TUBGCP5: variants seen among roughly 807,000 people sequenced by gnomAD.
TUBGCP5 encodes tubulin gamma complex component 5.
A neutral mutation model predicts 134.7 loss-of-function variants in TUBGCP5; 98 were observed. That is an observed-to-expected ratio of 0.73 (90% confidence interval 0.62 to 0.86). The LOEUF (loss-of-function observed/expected upper bound fraction) is 0.86, where lower values mean the gene tolerates loss of function less well. TUBGCP5 is among the 40% of genes least tolerant of loss of function. TUBGCP5 has a pLI of 0.00. For synonymous variants in TUBGCP5, 456 were observed against 431.4 expected, an observed-to-expected ratio of 1.06 and a Z score of -0.71; for missense variants, 1,150 against 1,244.8, an observed-to-expected ratio of 0.92 and a Z score of 1.15.
intron 7 of TUBGCP5, among the ~76,000 whole-genome samples, chr15:23,026,649 C>A (rs1426189673): frequency 6.6e-6 from 1 of 152,052 alleles, no homozygotes; most frequent in African/African-American, 2.4e-5. Flanking sequence ...ATTTTCAACA[C>A]CAGCCAGGTG....
At chr15:22,995,241 C>A (rs1208771084), downstream of TUBGCP5, among the ~76,000 whole-genome samples, 1 of 150,914 alleles carries the variant, frequency 6.6e-6, no homozygotes, top group Non-Finnish European at 1.5e-5. Context: ...GAGAATCTGT[C>A]TAAAATAAAT....
At position 23,037,148 on chromosome 15, in the gene TUBGCP5, G is replaced by T. The variant is rs536419515; in HGVS notation, c.151C>A (p.His51Asn). 6.2e-7 allele frequency: 1 copy of T among 1,613,030 alleles called. No individual in the cohort carries two copies. The highest frequency in any genetic ancestry group is 1.7e-5 in the Admixed American group (1 of 59,968). The change falls in exon 2 of 23, where the codon CAT (histidine) becomes AAT (asparagine). Residue 51 changes from histidine to asparagine, a missense_variant. His to Asn is a moderately conservative substitution (Grantham distance 68). This residue lies in a region of TUBGCP5 where 453 missense variants were observed against 394.7 expected (regional missense o/e 1.15). Transcript: ENST00000615383. ...LNFAWSNFRF[H>N]RFLDVNSHKI... ...TGGCTGTTGACATCCAAGAAACGATGAAATCTATTAAAGACAAAATGCAAT... is the reference window on the plus strand; with the variant it reads ...TGGCTGTTGACATCCAAGAAACGATTAAATCTATTAAAGACAAAATGCAAT...
At chr15:23,012,372 G>A (rs577367138) in intron 13 of TUBGCP5, among the ~76,000 whole-genome samples, 1 of 152,106 alleles carries the variant, frequency 6.6e-6, no homozygotes, top group East Asian at 1.9e-4. Context: ...TATAAATAAG[G>A]TCACATCTTT....
downstream of TUBGCP5, among the ~76,000 whole-genome samples, chr15:22,994,540 A>G (rs1425009228): frequency 6.6e-6 from 1 of 152,202 alleles, no homozygotes; most frequent in East Asian, 1.9e-4. Context: ...AAGTTGTTAC[A>G]AAGTCATGTT....
chr15:22,994,006 C>T (rs1407306688), intron 23 of TUBGCP5, among the ~76,000 whole-genome samples: 1 of 151,230 alleles, frequency 6.6e-6, no homozygotes, highest in Non-Finnish European at 1.5e-5. Context: ...TAAATGTTGC[C>T]TCAGAGTACC....
downstream of TUBGCP5, among the ~76,000 whole-genome samples, chr15:22,998,052 C>A (rs1156375372): frequency 6.6e-6 from 1 of 152,044 alleles, no homozygotes; most frequent in East Asian, 1.9e-4. Context: ...CAGTGGCTCA[C>A]GCCTGTAATC....
intron 13 of TUBGCP5, among the ~76,000 whole-genome samples, chr15:23,017,401 T>C (rs921444500): frequency 6.6e-6 from 1 of 152,134 alleles, no homozygotes; most frequent in African/African-American, 2.4e-5. Flanking sequence ...ACTATATATG[T>C]ATCAAAACAT....
chr15:23,003,294 C>CCTG, intron 20 of TUBGCP5, 141 bp from the exon 21 acceptor site: 1 of 718,206 alleles, frequency 1.4e-6, no homozygotes, highest in Non-Finnish European at 2.3e-6. Context: ...GGGTACTAGG[C>CCTG]TCTGAACCAT....
In TUBGCP5 at chr15:23,039,508, G is replaced by T. The variant is rs754179385; in HGVS notation, c.36C>A (p.Asp12Glu). The change falls in exon 1 of 23, where the codon GAC (aspartate) becomes GAA (glutamate). Residue 12 changes from aspartate to glutamate, a missense_variant. Physicochemically the swap from Asp to Glu is conservative, Grantham distance 45. Around this residue, in one of 2 missense-constraint regions of TUBGCP5, gnomAD observed 453 missense variants for 394.7 expected, o/e 1.15. Coordinates refer to ENST00000615383, the MANE Select transcript of TUBGCP5 (RefSeq NM_052903.6). The part of the protein sequence containing the change: ...ARHGPPWSRL[D>E]AQQERDVREL... Reference sequence around the variant, plus strand: ...CCCGCACGTCGCGCTCCTGCTGCGCGTCCAACCGACTCCACGGTGGCCCGT... The same window carrying T: ...CCCGCACGTCGCGCTCCTGCTGCGCTTCCAACCGACTCCACGGTGGCCCGT... 1 of 1,505,068 alleles carries T rather than the reference G, an allele frequency of 6.6e-7. No individual in the cohort carries two copies. The highest frequency in any genetic ancestry group is 8.9e-7 in the Non-Finnish European group (1 of 1,118,942). The allele number at this position is 1,505,068 out of a possible 1,614,324, so 93.2% of individuals were successfully genotyped here. A position where few individuals can be genotyped will look rare whatever the true frequency, so the allele number is the denominator to read the frequency against.
intron 3 of TUBGCP5, among the ~76,000 whole-genome samples, chr15:23,035,693 G>T (rs141421756): frequency 6.6e-6 from 1 of 152,126 alleles, no homozygotes; most frequent in African/African-American, 2.4e-5. Flanking sequence ...TCCACCATGT[G>T]GGGGTTGGGG....
At position 23,022,102 on chromosome 15, in the gene TUBGCP5, T is replaced by C; in HGVS notation, c.1228A>G (p.Lys410Glu). ...DKLAPRLSQL[K>E]VLHKVFSTGV... ...GTACTAAACACTTTGTGCAGAACCT[T>C]GAGCTGAGACAATCGAGGTGCCAAC... Residue 410 changes from lysine to glutamate, a missense_variant, in exon 11 of 23, where the codon AAG (lysine) becomes GAG (glutamate). Coordinates refer to ENST00000615383, the MANE Select transcript of TUBGCP5 (RefSeq NM_052903.6). 1 of 1,614,188 alleles carries C rather than the reference T, an allele frequency of 6.2e-7. No homozygotes were observed. Among genetic ancestry groups the C allele is most frequent in the Non-Finnish European group, 8.5e-7 (1 of 1,180,034 alleles).
At chr15:23,006,408 C>T in intron 16 of TUBGCP5, 56 bp from the exon 17 acceptor site, 2 of 1,266,574 alleles carry the variant, frequency 1.6e-6, no homozygotes, top group South Asian at 2.7e-5. Context: ...CACAAAAATG[C>T]TCTTTTAAAA....
At position 23,013,365 on chromosome 15, in the gene TUBGCP5, G is replaced by A. The variant is rs2065143680; in HGVS notation, c.1757-2034C>T. ...CTGCTGGGGAGGCTGAGGCAGGAGA[G>A]AACCCAGGAGGCGAAGTTCGCAGTG... On this transcript the variant is annotated intron_variant, in intron 13 of 22. Transcript: ENST00000615383. This position sits in a 1 kb window ranked among gnomAD's most constrained non-coding sequence, Gnocchi z 4.5. Among the ~76,000 whole-genome samples the A allele has an allele frequency of 6.6e-6, 1 of 151,976 alleles. No homozygotes were observed. The highest frequency in any genetic ancestry group is 1.9e-4 in the East Asian group (1 of 5,156).
chr15:23,018,367 C>G (rs981467219), intron 12 of TUBGCP5, among the ~76,000 whole-genome samples: 1 of 152,194 alleles, frequency 6.6e-6, no homozygotes, highest in African/African-American at 2.4e-5. Flanking sequence ...GCAGACTTCT[C>G]TATCATTTTC....
rs963437596 is a variant in TUBGCP5, at chr15:23,017,072, G to C, written c.1756+701C>G. ...GGTGGACATTAAGTGAAATAAGCCA[G>C]GAACAGAAAGTTAAACACTGCATGT... is the stretch of plus-strand genomic sequence containing the variant. On this transcript the variant is annotated intron_variant, in intron 13 of 22. Coordinates refer to ENST00000615383, the MANE Select transcript of TUBGCP5 (RefSeq NM_052903.6). Among the ~76,000 whole-genome samples, 8 of 150,566 alleles carry C rather than the reference G, an allele frequency of 5.3e-5. No homozygotes were observed. In the East Asian group the frequency reaches 1.6e-3, roughly 29 times the overall value.
intron 1 of TUBGCP5, among the ~76,000 whole-genome samples, chr15:23,038,055 C>T (rs1450583004): frequency 1.3e-5 from 2 of 152,178 alleles, no homozygotes; most frequent in East Asian, 3.8e-4. Flanking sequence ...TGAGCCACCG[C>T]GCCCAGTCCA....
In TUBGCP5 at chr15:23,037,913, T is replaced by C. The variant is rs1047795851; in HGVS notation, c.147-761A>G. Among the ~76,000 whole-genome samples the C allele has an allele frequency of 5.9e-5, 9 of 152,106 alleles. No homozygotes were observed. The East Asian group carries it at 7.7e-4, about 13-fold the overall frequency. ...CCAAGTAGCTGGGACTACAGGCGCCTGCCACCACGCCCGGCTAATTTTTTG... is the reference window on the plus strand; with the variant it reads ...CCAAGTAGCTGGGACTACAGGCGCCCGCCACCACGCCCGGCTAATTTTTTG... On this transcript the variant is annotated intron_variant, in intron 1 of 22. Coordinates refer to ENST00000615383, the MANE Select transcript of TUBGCP5 (RefSeq NM_052903.6).
In TUBGCP5 at chr15:23,039,554, C is replaced by T; in HGVS notation, c.-11G>A. ...CCCGTGCCGCGCCATGTTCCGCGCT[C>T]CTGCAGCGCGCGTCTAACGAATTGG... On this transcript the variant is annotated 5_prime_UTR_variant, in exon 1 of 23. Transcript: ENST00000615383. 2 of 1,410,602 alleles carry T rather than the reference C, an allele frequency of 1.4e-6. No individual in the cohort carries two copies. The highest frequency in any genetic ancestry group is 2.9e-5 in the East Asian group (1 of 33,914). 87.4% of individuals were successfully genotyped at this position (1,410,602 alleles called of 1,614,324 possible).
chr15:22,994,965 C>T (rs372119605), downstream of TUBGCP5, among the ~76,000 whole-genome samples: 10 of 151,776 alleles, frequency 6.6e-5, no homozygotes, highest in East Asian at 5.8e-4. Flanking sequence ...AAAATAAGGC[C>T]GGGGGCAGTG....
Sources: allele counts gnomAD v4.1 joint callset (sites outside exome capture counted in the v4.1 genomes callset), GRCh38; gene constraint gnomAD v4.1.1; regional missense constraint gnomAD v4.1.1; non-coding constraint Gnocchi (gnomAD v3.1); transcripts MANE v1.5; gene names NCBI Gene and HGNC (gene_info 2026-07-23, HGNC 2026-07-21).